The following SYCE2 variants were observed in gnomAD, a reference collection of about 807,000 sequenced individuals.
SYCE2 encodes the protein central element synaptonemal complex 1.
In SYCE2, 3 loss-of-function variants were observed where a neutral mutation model predicts 27.9. The ratio of observed to expected loss-of-function variants is 0.11; its 90% CI spans 0.05 to 0.28. The LOEUF (loss-of-function observed/expected upper bound fraction) is 0.28, where lower values mean the gene tolerates loss of function less well. SYCE2 is among the 10% of genes least tolerant of loss of function. The pLI, the probability that SYCE2 is intolerant of heterozygous loss-of-function variation, is 1.00. For synonymous variants in SYCE2, 85 were observed against 100.7 expected (o/e 0.84, Z 0.93); for missense variants, 207 against 263.5 (o/e 0.79, Z 1.48).
At chr19:12,909,189 A>C (rs1599636172) in intron 2 of SYCE2, among the ~76,000 whole-genome samples, 2 of 152,276 alleles carry the variant, frequency 1.3e-5, no homozygotes, top group East Asian at 3.9e-4. Flanking sequence ...CTCATGAGAG[A>C]AGCAATAAAT....
chr19:12,918,173 G>A (rs536881641), intron 2 of SYCE2, 49 bp downstream of exon 2: 2 of 1,494,376 alleles, frequency 1.3e-6, no homozygotes, highest in East Asian at 2.3e-5. Context: ...GGGTGAATGA[G>A]AGGGACCCAG....
chr19:12,913,413 C>T (rs1019763005), intron 2 of SYCE2, among the ~76,000 whole-genome samples: 7 of 152,112 alleles, frequency 4.6e-5, no homozygotes, highest in Non-Finnish European at 7.3e-5. Context: ...AGTAAACAAT[C>T]CGCCAGCCAC....
chr19:12,900,585 T>A lies in SYCE2; in HGVS notation c.370A>T (p.Ile124Phe). 6.2e-7 allele frequency: 1 copy of A among 1,614,174 alleles called. No homozygotes were observed. ...AACTCTTGGAGCTTTTCCTGGATGA[T>A]CTTGTTGTGGTCATTATAAATCTGA... ...IYQIYNDHNKIIQEKLQEFTQ... is the reference protein window; with the variant it reads ...IYQIYNDHNKFIQEKLQEFTQ... The change falls in exon 4 of 6, where the codon ATC becomes TTC. Residue 124 changes from isoleucine (I) to phenylalanine (F), a missense_variant. Ile to Phe is a conservative substitution (Grantham distance 21, BLOSUM62 0). Coordinates refer to ENST00000293695, the MANE Select transcript of SYCE2 (RefSeq NM_001105578.2).
rs774402723 is a variant in SYCE2 at position 12,918,327 on chromosome 19, G to A, written c.26C>T (p.Pro9Leu). The change falls in exon 2 of 6, where the codon CCC (proline) becomes CTC (leucine). Residue 9 changes from proline to leucine, a missense_variant. Transcript: ENST00000293695. MERQGVDVPHVKCKDQEPQ... is the reference protein window; with the variant it reads MERQGVDVLHVKCKDQEPQ... ...TTCCTGGTCTTTGCATTTCACATGG[G>A]GCACGTCCACCTGCAAGCACAGTCA... 1.1e-5 allele frequency: 18 copies of A among 1,613,952 alleles called. No homozygotes were observed. The South Asian group carries it at 1.9e-4, about 17-fold the overall frequency.
At chr19:12,913,283 G>T (rs1383256787) in intron 2 of SYCE2, among the ~76,000 whole-genome samples, 1 of 152,248 alleles carries the variant, frequency 6.6e-6, no homozygotes, top group Non-Finnish European at 1.5e-5. Context: ...AGCTGCGGAG[G>T]AAATGGGTCT....
chr19:12,910,025 C>T (rs1269099256), intron 2 of SYCE2, among the ~76,000 whole-genome samples: 1 of 151,992 alleles, frequency 6.6e-6, no homozygotes, highest in Non-Finnish European at 1.5e-5. Context: ...TGCCACCACA[C>T]CCAGCTAATT....
chr19:12,907,521 T>C (rs1894565192), intron 2 of SYCE2, among the ~76,000 whole-genome samples: 2 of 152,024 alleles, frequency 1.3e-5, no homozygotes, highest in African/African-American at 4.8e-5. Context: ...CCAGGCACAG[T>C]GGCTCACGCC....
At chr19:12,901,620 GTT>G (rs910393195) in intron 3 of SYCE2, among the ~76,000 whole-genome samples, 1 of 151,848 alleles carries the variant, frequency 6.6e-6, no homozygotes, top group Admixed American at 6.6e-5. Flanking sequence ...TGCTTTTTTT[GTT>G]TTGTTTTCTT....
At position 12,900,021 on chromosome 19, in the gene SYCE2, C is replaced by T; in HGVS notation, c.595G>A (p.Ala199Thr). The T allele has an allele frequency of 6.2e-7, 1 of 1,613,502 alleles. No individual in the cohort carries two copies. Among genetic ancestry groups the T allele is most frequent in the Non-Finnish European group, 8.5e-7 (1 of 1,179,984 alleles). ...GTAACCACCTGAGAAGTAGTTTCAG[C>T]CACAGAAGAAACGAACACGTCTGGG... ...QPPDVFVSSVAETTSQATASE... is the reference protein window; with the variant it reads ...QPPDVFVSSVTETTSQATASE... Residue 199 changes from alanine (A) to threonine (T), a missense_variant, in exon 5 of 6, where the codon GCT (alanine) becomes ACT (threonine). By Grantham distance (58) the Ala-to-Thr change is moderately conservative. Coordinates refer to ENST00000293695, the MANE Select transcript of SYCE2 (RefSeq NM_001105578.2).
intron 2 of SYCE2, among the ~76,000 whole-genome samples, chr19:12,913,450 G>A (rs537421853): frequency 2.1e-4 from 32 of 152,252 alleles, no homozygotes; most frequent in South Asian, 4.1e-4. Flanking sequence ...TGGCAGTCCC[G>A]GGAGAGGAGG....
At position 12,918,963 on chromosome 19, in the gene SYCE2, A is replaced by G. The variant is rs8111515; in HGVS notation, c.15+280T>C. 1.1e-3 allele frequency among the ~76,000 whole-genome samples: 158 copies of G among 148,650 alleles called. 1 individual carries two copies. The highest frequency in any genetic ancestry group is 1.9e-3 in the South Asian group (9 of 4,758). ...GATACTTCGTCTCAAAAAAAAAAAAAAAAAGAAATGAAAGAAACGGGTGCG... is the reference window on the plus strand; with the variant it reads ...GATACTTCGTCTCAAAAAAAAAAAAGAAAAGAAATGAAAGAAACGGGTGCG... On this transcript the variant is annotated intron_variant, in intron 1 of 5. Coordinates refer to ENST00000293695, the MANE Select transcript of SYCE2 (RefSeq NM_001105578.2).
At chr19:12,914,843 A>G (rs1384893223) in intron 2 of SYCE2, among the ~76,000 whole-genome samples, 1 of 152,232 alleles carries the variant, frequency 6.6e-6, no homozygotes, top group Admixed American at 6.6e-5. Flanking sequence ...TCCTGACCTC[A>G]GGTGATCCAT....
At chr19:12,899,698 A>G in intron 5 of SYCE2, 1 of 1,612,534 alleles carries the variant, frequency 6.2e-7, no homozygotes, top group Non-Finnish European at 8.5e-7. Flanking sequence ...TCCCTTCTGA[A>G]GTCGTTCAGA....
chr19:12,906,748 AAC>A (rs1484429481), intron 2 of SYCE2, among the ~76,000 whole-genome samples: 6 of 152,082 alleles, frequency 3.9e-5, no homozygotes, highest in African/African-American at 1.4e-4. Flanking sequence ...CTCTACTAAA[AAC>A]ACAAAAAATT....
At chr19:12,907,241 G>A (rs1035943615) in intron 2 of SYCE2, among the ~76,000 whole-genome samples, 5 of 152,176 alleles carry the variant, frequency 3.3e-5, no homozygotes, top group Admixed American at 1.3e-4. Context: ...GCTTAGAGTG[G>A]TTACACCACC....
chr19:12,905,906 G>A (rs1214494199), intron 2 of SYCE2, among the ~76,000 whole-genome samples: 3 of 152,184 alleles, frequency 2.0e-5, no homozygotes. Context: ...ATGAGCCACT[G>A]CGCCTGACTG....
At chr19:12,904,786 G>T in intron 2 of SYCE2, 120 bp from the exon 3 acceptor site, 1 of 1,178,434 alleles carries the variant, frequency 8.5e-7, no homozygotes, top group Non-Finnish European at 1.2e-6. Context: ...GGATCACAAG[G>T]TCAGGAGTTC....
chr19:12,906,822 C>T (rs1043921374), intron 2 of SYCE2, among the ~76,000 whole-genome samples: 7 of 150,336 alleles, frequency 4.7e-5, no homozygotes, highest in African/African-American at 1.7e-4. Flanking sequence ...GTACAAGAAT[C>T]GCTTGAACTC....
At chr19:12,910,906 T>G (rs2145976419) in intron 2 of SYCE2, among the ~76,000 whole-genome samples, 1 of 151,724 alleles carries the variant, frequency 6.6e-6, no homozygotes, top group Non-Finnish European at 1.5e-5. Context: ...CTCAATCTGC[T>G]GACCTCATGA....
Sources: allele counts gnomAD v4.1 joint callset (sites outside exome capture counted in the v4.1 genomes callset), GRCh38; gene constraint gnomAD v4.1.1; transcripts MANE v1.5; gene names NCBI Gene and HGNC (gene_info 2026-07-23, HGNC 2026-07-21).